The following PPFIA2 variants were observed in gnomAD, a reference collection of about 807,000 sequenced individuals.
PPFIA2 encodes the protein liprin-alpha-2.
A neutral mutation model predicts 175.5 loss-of-function variants in PPFIA2; 46 were observed. That is an observed-to-expected ratio of 0.26 (90% CI 0.21 to 0.34). PPFIA2 has a LOEUF of 0.34. Among genes scored for constraint, PPFIA2 ranks in the 10% least tolerant of loss-of-function variants. The pLI, the probability that PPFIA2 is intolerant of heterozygous loss-of-function variation, is 1.00. For missense variants in PPFIA2, 1,179 were observed against 1,506.1 expected (o/e 0.78, Z 3.60); for synonymous variants, 568 against 511.4 (o/e 1.11, Z -1.49).
At chr12:81,585,219 G>C (rs1370545707) in intron 4 of PPFIA2, among the ~76,000 whole-genome samples, 1 of 149,854 alleles carries the variant, frequency 6.7e-6, no homozygotes, top group Non-Finnish European at 1.5e-5. Context: ...AGTGGTTGGT[G>C]AATGTGAAGG....
intron 24 of PPFIA2, among the ~76,000 whole-genome samples, chr12:81,287,095 G>A: frequency 6.6e-6 from 1 of 151,848 alleles, no homozygotes; most frequent in East Asian, 1.9e-4. Context: ...AGTTATCGTG[G>A]TGCTTTCTTG....
chr12:81,445,207 G>A (rs1236907053), intron 6 of PPFIA2, among the ~76,000 whole-genome samples: 1 of 94,938 alleles, frequency 1.1e-5, no homozygotes, highest in Non-Finnish European at 2.0e-5. Flanking sequence ...AGACCAAGGT[G>A]GGGGGGGGGG....
At chr12:81,679,695 AAT>A (rs2073242037) in intron 3 of PPFIA2, among the ~76,000 whole-genome samples, 1 of 151,934 alleles carries the variant, frequency 6.6e-6, no homozygotes, top group African/African-American at 2.4e-5. Flanking sequence ...TTGTAAATTG[AAT>A]GTAAATCATT....
At chr12:81,285,640 T>C (rs2043142213) in intron 24 of PPFIA2, among the ~76,000 whole-genome samples, 1 of 152,092 alleles carries the variant, frequency 6.6e-6, no homozygotes, top group African/African-American at 2.4e-5. Context: ...AGAGCCATTA[T>C]ACCATCGTAG....
chr12:81,328,955 C>T (rs1267312385), intron 21 of PPFIA2, among the ~76,000 whole-genome samples: 1 of 151,868 alleles, frequency 6.6e-6, no homozygotes, highest in Non-Finnish European at 1.5e-5. Context: ...AGATGTGTGC[C>T]ACTATGCCCG....
At chr12:81,678,025 G>GA (rs1299885920) in intron 3 of PPFIA2, among the ~76,000 whole-genome samples, 3 of 151,658 alleles carry the variant, frequency 2.0e-5, no homozygotes, top group Admixed American at 1.3e-4. Context: ...CCTCCCAAAT[G>GA]AAAAAAACAC....
intron 4 of PPFIA2, among the ~76,000 whole-genome samples, chr12:81,560,495 A>G (rs1311207102): frequency 1.3e-5 from 2 of 152,170 alleles, no homozygotes; most frequent in Admixed American, 1.3e-4. Flanking sequence ...ATTCATTAGG[A>G]TGACTTACTT....
rs973108578 is a variant in PPFIA2 at position 81,259,281 on chromosome 12, A to G, written c.*413T>C. The G allele has an allele frequency of 1.1e-4, 39 of 352,126 alleles. No homozygotes were observed. The highest frequency in any genetic ancestry group is 1.8e-4 in the Non-Finnish European group (34 of 186,566). 21.8% of individuals were successfully genotyped at this position (352,126 alleles called of 1,614,324 possible). On this transcript the variant is annotated 3_prime_UTR_variant, in exon 33 of 33. Coordinates refer to ENST00000549396, the MANE Select transcript of PPFIA2 (RefSeq NM_003625.5). ...GCACTCGAGACTCCATGAACCATAT[A>G]TTTTATTTTTTAAAAAATCATATTT...
chr12:81,369,938 C>T (rs1219090734), intron 11 of PPFIA2, among the ~76,000 whole-genome samples: 6 of 151,580 alleles, frequency 4.0e-5, no homozygotes, highest in Non-Finnish European at 1.5e-5. Flanking sequence ...AAGCTATCAA[C>T]CTAAGATATG....
At chr12:81,627,588 C>T (rs1448155844) in intron 4 of PPFIA2, among the ~76,000 whole-genome samples, 1 of 152,066 alleles carries the variant, frequency 6.6e-6, no homozygotes. Context: ...CTCAATACCA[C>T]AATCTAAAGG....
chr12:81,594,667 C>A (rs1396042174), intron 4 of PPFIA2, among the ~76,000 whole-genome samples: 1 of 152,106 alleles, frequency 6.6e-6, no homozygotes, highest in South Asian at 2.1e-4. Flanking sequence ...GTAATCCCAG[C>A]ACTTTGGGAG....
intron 4 of PPFIA2, among the ~76,000 whole-genome samples, chr12:81,535,680 C>T (rs1298804758): frequency 6.6e-6 from 1 of 151,394 alleles, no homozygotes; most frequent in Non-Finnish European, 1.5e-5. Flanking sequence ...GTGTTTCAAA[C>T]TAAAAGAGAC....
At chr12:81,436,341 T>C (rs1274652464) in intron 7 of PPFIA2, among the ~76,000 whole-genome samples, 1 of 111,962 alleles carries the variant, frequency 8.9e-6, no homozygotes, top group African/African-American at 3.3e-5. Flanking sequence ...TTAAATCTGA[T>C]GCATCAGATA....
chr12:81,402,465 T>A (rs2042247904), intron 8 of PPFIA2, among the ~76,000 whole-genome samples: 1 of 151,452 alleles, frequency 6.6e-6, no homozygotes, highest in South Asian at 2.1e-4. Context: ...TGCTCTATAA[T>A]ATTATATGTG....
intron 4 of PPFIA2, among the ~76,000 whole-genome samples, chr12:81,488,758 G>T (rs775198417): frequency 9.2e-5 from 14 of 151,662 alleles, no homozygotes; most frequent in Non-Finnish European, 1.3e-4. Flanking sequence ...CCATTGATGA[G>T]AATATATATT....
chr12:81,441,405 A>G (rs2050150497), intron 6 of PPFIA2, among the ~76,000 whole-genome samples: 1 of 152,076 alleles, frequency 6.6e-6, no homozygotes, highest in Non-Finnish European at 1.5e-5. Context: ...TGTTATGCTT[A>G]AATTCTCTAA....
chr12:81,543,945 C>T (rs2066599493), intron 4 of PPFIA2, among the ~76,000 whole-genome samples: 1 of 152,064 alleles, frequency 6.6e-6, no homozygotes, highest in South Asian at 2.1e-4. Context: ...CTGTCAAGGT[C>T]ATCAAAAACA....
At chr12:81,654,255 A>G (rs1036867492) in intron 4 of PPFIA2, among the ~76,000 whole-genome samples, 2 of 152,052 alleles carry the variant, frequency 1.3e-5, no homozygotes, top group African/African-American at 4.8e-5. Context: ...GATGTTGAAA[A>G]AAACATCTAT....
At chr12:81,299,416 T>A (rs1211926614) in intron 22 of PPFIA2, 34 bp from the exon 23 acceptor site, 1 of 1,538,290 alleles carries the variant, frequency 6.5e-7, no homozygotes, top group African/African-American at 1.4e-5. Context: ...TAGGCAGGTA[T>A]ATGGAAAAAT....
Sources: gnomAD v4.1 joint callset for allele counts (sites outside exome capture counted in the v4.1 genomes callset) on GRCh38, gnomAD v4.1.1 for gene constraint, MANE v1.5 for transcripts, NCBI Gene and HGNC (gene_info 2026-07-23, HGNC 2026-07-21) for gene names.